ZNF536: variants seen among roughly 807,000 people sequenced by gnomAD.
The protein encoded by ZNF536 is zinc finger protein 536.
In ZNF536, 13 loss-of-function variants were observed where a neutral mutation model predicts 84.5. That is an observed-to-expected ratio of 0.15 (90% CI 0.10 to 0.24). ZNF536 has a LOEUF of 0.24. Ranked by LOEUF, ZNF536 falls within the 10% of genes least tolerant of loss-of-function variation. The pLI, the probability that ZNF536 is intolerant of heterozygous loss-of-function variation, is 1.00. For synonymous variants in ZNF536, 811 were observed against 742.5 expected (o/e 1.09, Z -1.50); for missense variants, 1,536 against 1,747.5 (o/e 0.88, Z 2.16).
At chr19:30,559,890 G>A (rs937674524), downstream of ZNF536, among the ~76,000 whole-genome samples, 3 of 152,128 alleles carry the variant, frequency 2.0e-5, no homozygotes, top group African/African-American at 4.8e-5. Context: ...TAAAGCAGGG[G>A]GTATTTCCTG....
rs769055745 is a variant in ZNF536, at chr19:30,443,522, C to T, written c.-2-39C>T. ...TGCTGTTGATTCATGGCGCCACAGC[C>T]GCACCTGGCACGGATCTGAACTCTG... On this transcript the variant is annotated intron_variant, in intron 1 of 4. Coordinates refer to ENST00000355537, the MANE Select transcript of ZNF536 (RefSeq NM_014717.3). The T allele has an allele frequency of 1.5e-5, 22 of 1,506,432 alleles. No homozygotes were observed. In the East Asian group the frequency reaches 3.0e-4, roughly 21 times the overall value. 93.3% of individuals were successfully genotyped at this position (1,506,432 alleles called of 1,614,324 possible). A position where few individuals can be genotyped will look rare whatever the true frequency, so the allele number is the denominator to read the frequency against.
intron 1 of ZNF536, among the ~76,000 whole-genome samples, chr19:30,430,288 C>T (rs2051397423): frequency 6.6e-6 from 1 of 152,144 alleles, no homozygotes; most frequent in African/African-American, 2.4e-5. Flanking sequence ...TCATTTGTTC[C>T]CTCATTTGAT....
rs758182501 is a variant in ZNF536, at chr19:30,534,893, G to A, written c.2217G>A (p.Ala739=). Residue 739 remains alanine, a synonymous_variant, in exon 3 of 5, where the codon GCG becomes GCA. Coordinates refer to ENST00000355537, the MANE Select transcript of ZNF536 (RefSeq NM_014717.3). ...GATCTGCCGGCGTCCAGCAACCAGC[G>A]CTGCTTCGCGACAGAAGCCTGGGCT... The part of the protein sequence containing the change: ...AGRSAGVQQP[A]LLRDRSLGSA... 1 of 1,613,882 alleles carries A rather than the reference G, an allele frequency of 6.2e-7. No homozygotes were observed. The highest frequency in any genetic ancestry group is 8.5e-7 in the Non-Finnish European group (1 of 1,179,864).
chr19:30,574,451 G>A (rs996743416), intron 1 of ZNF536, among the ~76,000 whole-genome samples: 3 of 152,226 alleles, frequency 2.0e-5, no homozygotes, highest in African/African-American at 7.2e-5. Context: ...CTTGTGGGTG[G>A]CCCCCATTAG....
chr19:30,226,340 C>G (rs962832340), upstream of ZNF536, among the ~76,000 whole-genome samples: 3 of 152,260 alleles, frequency 2.0e-5, no homozygotes, highest in Non-Finnish European at 4.4e-5. This position sits in a 1 kb window ranked among gnomAD's most constrained non-coding sequence, Gnocchi z 4.6. Flanking sequence ...TTTCTCTGGT[C>G]CGCGCTCACT....
chr19:30,301,430 T>C (rs982463450), intron 2 of ZNF536, among the ~76,000 whole-genome samples: 4 of 152,208 alleles, frequency 2.6e-5, no homozygotes, highest in African/African-American at 9.6e-5. Context: ...TCCCTTCTGT[T>C]ATCACTCTGG....
At chr19:30,231,761 G>A (rs751199336) in intron 1 of ZNF536, among the ~76,000 whole-genome samples, 1 of 152,150 alleles carries the variant, frequency 6.6e-6, no homozygotes, top group East Asian at 1.9e-4. Flanking sequence ...CTAAGCCAGG[G>A]AGTGGCCCCC....
At chr19:30,439,980 T>C (rs957734280) in intron 1 of ZNF536, among the ~76,000 whole-genome samples, 16 of 143,624 alleles carry the variant, frequency 1.1e-4, no homozygotes, top group African/African-American at 4.0e-4. Context: ...TTTTTTTTTT[T>C]GACAGAGTCT....
At chr19:30,696,355 A>G (rs1352663104) in intron 1 of ZNF536, among the ~76,000 whole-genome samples, 1 of 152,190 alleles carries the variant, frequency 6.6e-6, no homozygotes, top group Non-Finnish European at 1.5e-5. Flanking sequence ...GCATTTCTTT[A>G]AAGACTAAAT....
chr19:30,635,305 T>C (rs1186163199), intron 1 of ZNF536, among the ~76,000 whole-genome samples: 1 of 152,248 alleles, frequency 6.6e-6, no homozygotes, highest in Non-Finnish European at 1.5e-5. Flanking sequence ...AACAGGTATC[T>C]GGAAAAGATG....
rs1350897644 is a variant in ZNF536 at position 30,549,532 on chromosome 19, C to T, written c.3895+18C>T. 2.7e-6 allele frequency: 4 copies of T among 1,500,518 alleles called. No homozygotes were observed. In the Admixed American group the frequency reaches 9.6e-5, roughly 36 times the overall value. 93.0% of individuals were successfully genotyped at this position (1,500,518 alleles called of 1,614,324 possible). On this transcript the variant is annotated intron_variant, in intron 4 of 4. Coordinates refer to ENST00000355537, the MANE Select transcript of ZNF536 (RefSeq NM_014717.3). ...CTTGTGTGGTAAGTTTTAGAATCCT[C>T]TTCCTATAGTTCATTTCCCAAAACA...
intron 1 of ZNF536, among the ~76,000 whole-genome samples, chr19:30,401,525 T>G (rs917702931): frequency 2.0e-5 from 3 of 152,240 alleles, no homozygotes; most frequent in Non-Finnish European, 4.4e-5. Context: ...TCTACCACAT[T>G]CCCCAGACAC....
chr19:30,446,815 C>CCAA, intron 2 of ZNF536, among the ~76,000 whole-genome samples: 1 of 108,210 alleles, frequency 9.2e-6, no homozygotes, highest in Non-Finnish European at 2.2e-5. Context: ...AAAACCAAAA[C>CCAA]AACAACAACA....
At position 30,476,908 on chromosome 19, in the gene ZNF536, C is replaced by A. The variant is rs2053871118; in HGVS notation, c.2170+31176C>A. 2.0e-5 allele frequency among the ~76,000 whole-genome samples: 3 copies of A among 152,102 alleles called. No individual in the cohort carries two copies. In the South Asian group the frequency reaches 6.2e-4, roughly 32 times the overall value. ...GCTCTTTCTGTCACTCCTCAGAATG[C>A]TCCAGTGTGGTCCTGCCTTGGGGCC... is the stretch of plus-strand genomic sequence containing the variant. On this transcript the variant is annotated intron_variant, in intron 2 of 4. Coordinates refer to ENST00000355537, the MANE Select transcript of ZNF536 (RefSeq NM_014717.3).
intron 2 of ZNF536, among the ~76,000 whole-genome samples, chr19:30,448,888 A>G (rs545549103): frequency 5.3e-5 from 8 of 152,318 alleles, no homozygotes; most frequent in African/African-American, 1.9e-4. Flanking sequence ...TTGCAATCAA[A>G]CAGTTATTGC....
At chr19:30,433,559 G>A (rs542563678) in intron 1 of ZNF536, among the ~76,000 whole-genome samples, 5 of 152,270 alleles carry the variant, frequency 3.3e-5, no homozygotes, top group South Asian at 2.1e-4. Context: ...GTGCAATGGC[G>A]CGATCTCGGT....
At chr19:30,317,153 C>T in intron 2 of ZNF536, among the ~76,000 whole-genome samples, 1 of 152,212 alleles carries the variant, frequency 6.6e-6, no homozygotes, top group East Asian at 1.9e-4. Context: ...TACAGCCACC[C>T]CACAGTGAAG....
At chr19:30,436,302 A>C (rs151071302) in intron 1 of ZNF536, among the ~76,000 whole-genome samples, 2 of 152,102 alleles carry the variant, frequency 1.3e-5, no homozygotes, top group African/African-American at 4.8e-5. Context: ...GCCCCATCTC[A>C]TGGCACTGTC....
intron 1 of ZNF536, among the ~76,000 whole-genome samples, chr19:30,271,299 CTTT>C (rs781528411): frequency 5.3e-4 from 59 of 111,864 alleles, no homozygotes; most frequent in East Asian, 8.4e-4. Flanking sequence ...TTTTTCTTTT[CTTT>C]TTTTTTTTTT....
Sources: allele counts gnomAD v4.1 joint callset (sites outside exome capture counted in the v4.1 genomes callset), GRCh38; gene constraint gnomAD v4.1.1; non-coding constraint Gnocchi (gnomAD v3.1); transcripts MANE v1.5; gene names NCBI Gene and HGNC (gene_info 2026-07-23, HGNC 2026-07-21).